LRFN5: variants seen among roughly 807,000 people sequenced by gnomAD.
The protein encoded by LRFN5 is leucine-rich repeat and fibronectin type-III domain-containing protein 5.
Under a neutral mutation model 45.6 loss-of-function variants are expected in LRFN5, and 24 were observed. The ratio of observed to expected loss-of-function variants is 0.53; its 90% CI spans 0.38 to 0.74. The LOEUF is 0.74. Among genes scored for constraint, LRFN5 ranks in the 30% least tolerant of loss-of-function variants. LRFN5 has a pLI of 0.00. For missense variants in LRFN5, 776 were observed against 861.5 expected, an observed-to-expected ratio of 0.90 and a Z score of 1.24; for synonymous variants, 340 against 313.8, an observed-to-expected ratio of 1.08 and a Z score of -0.88.
intron 2 of LRFN5, among the ~76,000 whole-genome samples, chr14:41,849,231 T>C (rs944316954): frequency 6.6e-6 from 1 of 151,984 alleles, no homozygotes; most frequent in African/African-American, 2.4e-5. Context: ...CCAATGCTAT[T>C]ATTCCCCAAA....
At chr14:41,802,418 A>G (rs1353456122) in intron 2 of LRFN5, among the ~76,000 whole-genome samples, 1 of 152,256 alleles carries the variant, frequency 6.6e-6, no homozygotes, top group East Asian at 1.9e-4. Flanking sequence ...AGGGTAGGAG[A>G]TAAGGAATTC....
intron 4 of LRFN5, chr14:41,892,453 A>T (rs1455571939): frequency 1.0e-6 from 1 of 983,578 alleles, no homozygotes; most frequent in Admixed American, 6.2e-5. Context: ...GATTAAAAAA[A>T]TGAAAATTGT....
intron 2 of LRFN5, among the ~76,000 whole-genome samples, chr14:41,858,500 GTT>G (rs5808160): frequency 2.0e-5 from 3 of 150,070 alleles, no homozygotes; most frequent in South Asian, 2.1e-4. Flanking sequence ...GCTCTAGTAA[GTT>G]TTTTTTTTCC....
intron 2 of LRFN5, among the ~76,000 whole-genome samples, chr14:41,848,977 G>A (rs1236890562): frequency 2.0e-5 from 3 of 151,982 alleles, no homozygotes; most frequent in African/African-American, 7.2e-5. Flanking sequence ...CACATTTACA[G>A]TAGGTCCCTC....
chr14:41,890,980 G>GT (rs1322961969), intron 3 of LRFN5, among the ~76,000 whole-genome samples: 3 of 152,052 alleles, frequency 2.0e-5, no homozygotes, highest in South Asian at 2.1e-4. Context: ...TTTTAGCAGT[G>GT]TTTTTTATTA....
At chr14:41,795,924 T>TAA (rs11446414) in intron 2 of LRFN5, among the ~76,000 whole-genome samples, 18 of 150,514 alleles carry the variant, frequency 1.2e-4, no homozygotes, top group African/African-American at 3.7e-4. Flanking sequence ...TTAAAGTATA[T>TAA]AAAAAAAAAG....
intron 1 of LRFN5, among the ~76,000 whole-genome samples, chr14:41,668,109 T>C (rs1252780961): frequency 6.6e-6 from 1 of 152,140 alleles, no homozygotes; most frequent in Non-Finnish European, 1.5e-5. Context: ...AAATAAATGT[T>C]AATATAAGGG....
chr14:41,723,702 C>T lies in LRFN5; in HGVS notation c.-196-43152C>T, dbSNP rs555306202. Among the ~76,000 whole-genome samples, 14 of 152,204 alleles carry T rather than the reference C, an allele frequency of 9.2e-5. No homozygotes were observed. In the East Asian group the frequency reaches 1.4e-3, roughly 15 times the overall value. ...AACCAGAGCTGCAGCAGCTCTTCTC[C>T]TGTCCCAGGCCTGTGACCATGGAGA... On this transcript the variant is annotated intron_variant, in intron 1 of 5. Coordinates refer to ENST00000298119, the MANE Select transcript of LRFN5 (RefSeq NM_152447.5).
chr14:41,826,087 C>A (rs1357742798), intron 2 of LRFN5, among the ~76,000 whole-genome samples: 1 of 152,150 alleles, frequency 6.6e-6, no homozygotes, highest in East Asian at 1.9e-4. Flanking sequence ...TTTCTGAGAA[C>A]TGGCCTCAGA....
At chr14:41,897,798 A>G (rs1890987779) in intron 4 of LRFN5, among the ~76,000 whole-genome samples, 1 of 152,112 alleles carries the variant, frequency 6.6e-6, no homozygotes, top group African/African-American at 2.4e-5. Flanking sequence ...CAAAAACGAA[A>G]TATTTTCAAA....
At chr14:41,680,219 A>C (rs960374421) in intron 1 of LRFN5, among the ~76,000 whole-genome samples, 3 of 152,216 alleles carry the variant, frequency 2.0e-5, no homozygotes, top group African/African-American at 7.2e-5. Context: ...ACACAAGAGC[A>C]GATGGCTTTC....
chr14:41,853,641 G>A (rs1889351334), intron 2 of LRFN5, among the ~76,000 whole-genome samples: 1 of 151,998 alleles, frequency 6.6e-6, no homozygotes, highest in African/African-American at 2.4e-5. Context: ...TCAAGAAGCA[G>A]ATAGATATAA....
intron 2 of LRFN5, among the ~76,000 whole-genome samples, chr14:41,878,957 T>C (rs559860325): frequency 6.6e-6 from 1 of 152,210 alleles, no homozygotes; most frequent in Admixed American, 6.5e-5. Flanking sequence ...ACCTCGTATT[T>C]TTAAATAAAC....
At chr14:41,737,574 G>A (rs961623592) in intron 1 of LRFN5, among the ~76,000 whole-genome samples, 26 of 152,088 alleles carry the variant, frequency 1.7e-4, no homozygotes, top group Non-Finnish European at 4.4e-5. Context: ...TCTGTTTGTG[G>A]ATGACATGAT....
chr14:41,773,374 A>G (rs1451018392), intron 2 of LRFN5, among the ~76,000 whole-genome samples: 1 of 152,122 alleles, frequency 6.6e-6, no homozygotes, highest in African/African-American at 2.4e-5. Flanking sequence ...TCATAGCATC[A>G]TATACCTGTA....
intron 1 of LRFN5, among the ~76,000 whole-genome samples, chr14:41,624,554 G>A (rs1176890111): frequency 6.6e-6 from 1 of 152,084 alleles, no homozygotes; most frequent in Non-Finnish European, 1.5e-5. Context: ...AATCTGAAAA[G>A]TGCTCTGAAC....
At chr14:41,810,402 G>A (rs1594429955) in intron 2 of LRFN5, among the ~76,000 whole-genome samples, 1 of 152,092 alleles carries the variant, frequency 6.6e-6, no homozygotes, top group East Asian at 1.9e-4. Flanking sequence ...GAGCTTTGTA[G>A]GCATTAGTTT....
At chr14:41,689,843 C>T (rs955930179) in intron 1 of LRFN5, among the ~76,000 whole-genome samples, 21 of 139,100 alleles carry the variant, frequency 1.5e-4, no homozygotes, top group African/African-American at 5.4e-4. Flanking sequence ...TGCAGTGAGC[C>T]GAGATTGCGC....
Position 41,887,548 on chromosome 14 carries a change from G to T in LRFN5, c.923G>T (p.Cys308Phe). 1 of 1,614,184 alleles carries T rather than the reference G, an allele frequency of 6.2e-7. No homozygotes were observed. Among genetic ancestry groups the T allele is most frequent in the Non-Finnish European group, 8.5e-7 (1 of 1,180,042 alleles). The stretch of plus-strand genomic sequence containing the variant: ...GAGGGACAAAGGGCAACACTGAGGT[G>T]CAAAGCCAGGGGAGACCCTGAGCCT... ...VLEGQRATLR[C>F]KARGDPEPAI... is the part of the protein sequence containing the mutation. Residue 308 changes from cysteine (C) to phenylalanine (F), a missense_variant, in exon 3 of 6, where the codon TGC (cysteine) becomes TTC (phenylalanine). Coordinates refer to ENST00000298119, the MANE Select transcript of LRFN5 (RefSeq NM_152447.5). This position sits in a 1 kb window ranked among gnomAD's most constrained non-coding sequence, Gnocchi z 4.8.
Sources: allele counts gnomAD v4.1 joint callset (sites outside exome capture counted in the v4.1 genomes callset), GRCh38; gene constraint gnomAD v4.1.1; non-coding constraint Gnocchi (gnomAD v3.1); transcripts MANE v1.5; gene names NCBI Gene and HGNC (gene_info 2026-07-23, HGNC 2026-07-21).